Variants in ACTMAP observed in about 807,000 individuals in gnomAD.
ACTMAP encodes actin maturation protease.
At chr19:40,745,617 G>A in the ACTMAP span, among the ~76,000 whole-genome samples, 2 of 152,018 alleles carry the variant, frequency 1.3e-5, no homozygotes, top group Non-Finnish European at 2.9e-5. Flanking sequence ...CTCCTGCCTC[G>A]GCTTCCTGAG....
At chr19:40,746,256 G>C in the ACTMAP span, among the ~76,000 whole-genome samples, 1 of 151,954 alleles carries the variant, frequency 6.6e-6, no homozygotes, top group African/African-American at 2.4e-5. Flanking sequence ...TTTCCCTCTT[G>C]TTGCTCCGGC....
the ACTMAP span, chr19:40,741,745 G>T: frequency 3.5e-5 from 16 of 456,676 alleles, no homozygotes; most frequent in South Asian, 2.2e-4. Context: ...ACTTCTCCAG[G>T]CCTCAGTCTT....
the ACTMAP span, among the ~76,000 whole-genome samples, chr19:40,748,778 C>T: frequency 4.6e-5 from 7 of 152,256 alleles, no homozygotes; most frequent in African/African-American, 1.7e-4. Context: ...CAGGCCCCTG[C>T]GCAAGCTGTA....
chr19:40,741,129 C>T, the ACTMAP span: 1 of 400,036 alleles, frequency 2.5e-6, no homozygotes, highest in East Asian at 3.6e-5. Flanking sequence ...ATCCTCTTTA[C>T]CCTGATCACT....
the ACTMAP span, chr19:40,749,603 A>G: frequency 6.4e-7 from 1 of 1,550,796 alleles, no homozygotes; most frequent in East Asian, 2.4e-5. Flanking sequence ...GACGGGGAGC[A>G]GGCCCTGTGG....
the ACTMAP span, among the ~76,000 whole-genome samples, chr19:40,745,927 C>T: frequency 6.6e-6 from 1 of 152,250 alleles, no homozygotes; most frequent in African/African-American, 2.4e-5. Flanking sequence ...CCACCTTGGC[C>T]TCCCAAAGTG....
chr19:40,742,879 T>C, the ACTMAP span: 1 of 1,092,850 alleles, frequency 9.2e-7, no homozygotes, highest in East Asian at 2.6e-5. Context: ...GCAGCTGCCA[T>C]TCCTAGGTTA....
chr19:40,749,389 C>T, the ACTMAP span: 7 of 1,322,460 alleles, frequency 5.3e-6, no homozygotes, highest in Non-Finnish European at 7.2e-6. Flanking sequence ...CCTGTTTGAT[C>T]TTGAGGACAC....
chr19:40,749,830 G>A, the ACTMAP span: 1 of 1,386,032 alleles, frequency 7.2e-7, no homozygotes, highest in African/African-American at 1.5e-5. Flanking sequence ...GGTGTTGAGA[G>A]GTTCAGAAAG....
the ACTMAP span, chr19:40,749,704 T>G: frequency 1.3e-6 from 2 of 1,522,352 alleles, no homozygotes; most frequent in Non-Finnish European, 1.8e-6. Flanking sequence ...TCCAGGGGAC[T>G]TGGGGGTAGA....
chr19:40,749,676 G>C, the ACTMAP span: 5 of 1,537,420 alleles, frequency 3.3e-6, no homozygotes, highest in Non-Finnish European at 4.4e-6. Flanking sequence ...CCAGGGAGGG[G>C]ATGGTAAAGC....
the ACTMAP span, among the ~76,000 whole-genome samples, chr19:40,747,519 TAAGAGCGAA>T: frequency 6.6e-6 from 1 of 151,236 alleles, no homozygotes; most frequent in Non-Finnish European, 1.5e-5. Context: ...GTCTGGGCAA[TAAGAGCGAA>T]ACTCCATCTC....
chr19:40,743,045 C>T, the ACTMAP span, among the ~76,000 whole-genome samples: 2 of 152,132 alleles, frequency 1.3e-5, no homozygotes, highest in African/African-American at 4.8e-5. Flanking sequence ...ACCCGGTCAT[C>T]CTCAGCTCTT....
the ACTMAP span, chr19:40,741,046 A>G: frequency 2.5e-6 from 1 of 398,642 alleles, no homozygotes; most frequent in Non-Finnish European, 4.4e-6. Context: ...AGTGGTGAGC[A>G]AGGCTGCTCC....
chr19:40,744,472 C>A, the ACTMAP span: 2 of 1,554,040 alleles, frequency 1.3e-6, no homozygotes, highest in South Asian at 1.2e-5. Flanking sequence ...AATGAGACAC[C>A]CTGACACACG....
chr19:40,749,954 C>G, the ACTMAP span: 19 of 584,672 alleles, frequency 3.2e-5, no homozygotes, highest in Non-Finnish European at 5.0e-5. Flanking sequence ...AGGACCAGGG[C>G]TAATATTTGA....
At chr19:40,747,254 A>AGG in the ACTMAP span, among the ~76,000 whole-genome samples, 1 of 151,642 alleles carries the variant, frequency 6.6e-6, no homozygotes, top group Non-Finnish European at 1.5e-5. Flanking sequence ...AAAAGCATGG[A>AGG]GGCCGGGTGC....
the ACTMAP span, among the ~76,000 whole-genome samples, chr19:40,746,789 G>T: frequency 6.6e-6 from 1 of 152,068 alleles, no homozygotes; most frequent in South Asian, 2.1e-4. Context: ...AGGATTACAG[G>T]CGTGAGCCAC....
chr19:40,744,636 G>C, the ACTMAP span: 1 of 1,613,718 alleles, frequency 6.2e-7, no homozygotes, highest in Non-Finnish European at 8.5e-7. Flanking sequence ...GACGCCACTG[G>C]GGGGCGACAG....
Sources: gnomAD v4.1 joint callset for allele counts (sites outside exome capture counted in the v4.1 genomes callset) on GRCh38, gnomAD v4.1.1 for gene constraint, MANE v1.5 for transcripts, NCBI Gene and HGNC (gene_info 2026-07-23, HGNC 2026-07-21) for gene names.